SLC35F1: variants seen among roughly 807,000 people sequenced by gnomAD.
The protein encoded by SLC35F1 is solute carrier family 35 member F1.
A neutral mutation model predicts 48.7 loss-of-function variants in SLC35F1; 14 were observed. The observed-to-expected ratio is 0.29, with a 90% CI of 0.19 to 0.45. The LOEUF (loss-of-function observed/expected upper bound fraction) is 0.45. Among genes scored for constraint, SLC35F1 ranks in the 20% least tolerant of loss-of-function variants. The pLI is 1.00. For missense variants in SLC35F1, 404 were observed against 500.0 expected, an observed-to-expected ratio of 0.81 and a Z score of 1.83; for synonymous variants, 190 against 202.2, an observed-to-expected ratio of 0.94 and a Z score of 0.51.
chr6:117,933,852 C>A (rs1039822039), intron 1 of SLC35F1, among the ~76,000 whole-genome samples: 1 of 151,966 alleles, frequency 6.6e-6, no homozygotes, highest in Non-Finnish European at 1.5e-5. Context: ...TAGGACCCTG[C>A]GTGAGAACGT....
chr6:118,185,899 T>C (rs183964020), intron 2 of SLC35F1, among the ~76,000 whole-genome samples: 1 of 152,306 alleles, frequency 6.6e-6, no homozygotes, highest in East Asian at 1.9e-4. Context: ...ATGTCTACAA[T>C]GAATAGATTC....
intron 4 of SLC35F1, 105 bp from the exon 5 acceptor site, chr6:118,275,354 T>C: frequency 8.3e-7 from 1 of 1,204,270 alleles, no homozygotes; most frequent in South Asian, 1.6e-5. Context: ...TCTATAAAAA[T>C]GTCAAAATAG....
intron 3 of SLC35F1, among the ~76,000 whole-genome samples, chr6:118,237,324 AACACAC>A (rs67116512): frequency 0.76 from 113,340 of 149,630 alleles, 43,742 homozygotes; most frequent in East Asian, 0.93. Flanking sequence ...ATTCTAAGAA[AACACAC>A]ACACACACAC....
intron 1 of SLC35F1, among the ~76,000 whole-genome samples, chr6:118,018,530 T>C (rs1777353003): frequency 6.7e-6 from 1 of 148,654 alleles, no homozygotes; most frequent in Non-Finnish European, 1.5e-5. Flanking sequence ...GTTATTGTTA[T>C]TATTATTATT....
chr6:118,291,242 TACACAC>T (rs10603708), intron 7 of SLC35F1, among the ~76,000 whole-genome samples: 3,463 of 148,664 alleles, frequency 0.023, 71 homozygotes, highest in East Asian at 0.064. Context: ...GTATCATGTA[TACACAC>T]ACACACACAC....
In SLC35F1 at chr6:117,907,753, G is replaced by C; in HGVS notation, c.27G>C (p.Gln9His). 3 of 1,557,506 alleles carry C rather than the reference G, an allele frequency of 1.9e-6. No homozygotes were observed. The highest frequency in any genetic ancestry group is 2.6e-6 in the Non-Finnish European group (3 of 1,160,714). MIPPEQPQ[Q>H]QLQPPSPAPP... is the part of the protein sequence containing the mutation. ...TGATCCCCCCTGAGCAGCCGCAGCAGCAGCTGCAGCCGCCGTCGCCAGCCC... is the reference window on the plus strand; with the variant it reads ...TGATCCCCCCTGAGCAGCCGCAGCACCAGCTGCAGCCGCCGTCGCCAGCCC... Residue 9 changes from glutamine (Q) to histidine (H), a missense_variant, in exon 1 of 8, where the codon CAG becomes CAC. Gln to His is a conservative substitution (Grantham distance 24). Coordinates refer to ENST00000360388, the MANE Select transcript of SLC35F1 (RefSeq NM_001029858.4).
In SLC35F1 at chr6:118,105,924, T is replaced by G. The variant is rs116289455; in HGVS notation, c.174-48521T>G. Among the ~76,000 whole-genome samples the G allele has an allele frequency of 5.4e-3, 823 of 152,266 alleles. 10 individuals are homozygous for G. Among genetic ancestry groups the G allele is most frequent in the African/African-American group, 0.018 (766 of 41,566 alleles). ...CACCAACTTCAAAGGACCCTTAACA[T>G]TACTTGGCAACTTTCCTGCTTTTTT... On this transcript the variant is annotated intron_variant, in intron 1 of 7. Coordinates refer to ENST00000360388, the MANE Select transcript of SLC35F1 (RefSeq NM_001029858.4).
chr6:117,993,172 G>T (rs1461293326), intron 1 of SLC35F1, among the ~76,000 whole-genome samples: 2 of 152,118 alleles, frequency 1.3e-5, no homozygotes, highest in Admixed American at 6.5e-5. Flanking sequence ...CCTCATGGGT[G>T]CCTGGCCAGA....
rs182618461 is a variant in SLC35F1 at position 118,232,174 on chromosome 6, C to T, written c.350-3335C>T. Among the ~76,000 whole-genome samples, 356 of 152,278 alleles carry T rather than the reference C, an allele frequency of 2.3e-3. 2 individuals carry two copies. The highest frequency in any genetic ancestry group is 6.8e-3 in the Middle Eastern group (2 of 294). On this transcript the variant is annotated intron_variant, in intron 2 of 7. Coordinates refer to ENST00000360388, the MANE Select transcript of SLC35F1 (RefSeq NM_001029858.4). Reference sequence around the variant, plus strand: ...AAGTGACTACCAAGACAATTCTGCTCTCTCCAAATTATTAATAATCTAATG... The same window carrying T: ...AAGTGACTACCAAGACAATTCTGCTTTCTCCAAATTATTAATAATCTAATG...
At chr6:118,298,854 G>A (rs1031527298) in intron 7 of SLC35F1, among the ~76,000 whole-genome samples, 1 of 152,122 alleles carries the variant, frequency 6.6e-6, no homozygotes, top group Non-Finnish European at 1.5e-5. Flanking sequence ...CTTAAGCACT[G>A]CTCTCCTCTG....
At chr6:117,983,640 A>T (rs1026206451) in intron 1 of SLC35F1, among the ~76,000 whole-genome samples, 5 of 152,216 alleles carry the variant, frequency 3.3e-5, no homozygotes, top group Admixed American at 6.5e-5. Flanking sequence ...ATGTTTTTAG[A>T]TAGGAAAAAA....
chr6:117,983,742 T>C (rs961103926), intron 1 of SLC35F1, among the ~76,000 whole-genome samples: 3 of 152,242 alleles, frequency 2.0e-5, no homozygotes, highest in African/African-American at 7.2e-5. Context: ...AACCCATTTG[T>C]GGTACAGCTG....
chr6:118,153,375 TG>T (rs1361816380), intron 1 of SLC35F1, among the ~76,000 whole-genome samples: 1 of 152,236 alleles, frequency 6.6e-6, no homozygotes, highest in Non-Finnish European at 1.5e-5. Context: ...TTATACAATG[TG>T]AACATGTATC....
chr6:118,235,437 A>G, intron 2 of SLC35F1, 72 bp from the exon 3 acceptor site: 3 of 1,380,024 alleles, frequency 2.2e-6, no homozygotes, highest in Non-Finnish European at 3.0e-6. Flanking sequence ...GCAACATATT[A>G]GAATTCTTCT....
chr6:118,120,122 T>A (rs1773533360), intron 1 of SLC35F1, among the ~76,000 whole-genome samples: 1 of 152,186 alleles, frequency 6.6e-6, no homozygotes, highest in Admixed American at 6.5e-5. Context: ...TTTGGCGAAC[T>A]ACATGGAAAT....
At chr6:118,124,935 G>T (rs1773602473) in intron 1 of SLC35F1, among the ~76,000 whole-genome samples, 1 of 152,150 alleles carries the variant, frequency 6.6e-6, no homozygotes, top group Non-Finnish European at 1.5e-5. Flanking sequence ...GTGGCAAGAT[G>T]AATGAACAGT....
intron 1 of SLC35F1, among the ~76,000 whole-genome samples, chr6:118,139,029 T>C (rs1773842147): frequency 1.3e-5 from 2 of 152,062 alleles, no homozygotes; most frequent in African/African-American, 4.8e-5. Context: ...TAAATGATAT[T>C]CAGATTCTGT....
chr6:118,234,469 G>A (rs568199253), intron 2 of SLC35F1, among the ~76,000 whole-genome samples: 1 of 152,186 alleles, frequency 6.6e-6, no homozygotes, highest in Non-Finnish European at 1.5e-5. Flanking sequence ...CCACAGCCAT[G>A]TGAGTGAGCT....
intron 1 of SLC35F1, among the ~76,000 whole-genome samples, chr6:118,007,412 G>T (rs2114873232): frequency 6.6e-6 from 1 of 152,286 alleles, no homozygotes; most frequent in South Asian, 2.1e-4. Flanking sequence ...GCCGGACATT[G>T]TGCTAGGCAA....
Sources: allele counts gnomAD v4.1 joint callset (sites outside exome capture counted in the v4.1 genomes callset), GRCh38; gene constraint gnomAD v4.1.1; transcripts MANE v1.5; gene names NCBI Gene and HGNC (gene_info 2026-07-23, HGNC 2026-07-21).